The following SMC6 variants were observed in gnomAD, a reference collection of about 807,000 sequenced individuals.
SMC6 encodes the protein structural maintenance of chromosomes protein 6.
A neutral mutation model predicts 142.2 loss-of-function variants in SMC6; 79 were observed. The ratio of observed to expected loss-of-function variants is 0.56; its 90% CI spans 0.46 to 0.67. SMC6 has a LOEUF of 0.67. Ranked by LOEUF, SMC6 falls within the 30% of genes least tolerant of loss-of-function variation. SMC6 has a pLI of 0.00. For missense variants in SMC6, 1,072 were observed against 1,284.0 expected (o/e 0.83, Z 2.52); for synonymous variants, 411 against 412.4 (o/e 1.00, Z 0.04).
intron 16 of SMC6, among the ~76,000 whole-genome samples, chr2:17,710,296 G>T (rs2124974109): frequency 6.6e-6 from 1 of 152,314 alleles, no homozygotes; most frequent in East Asian, 1.9e-4. Context: ...AATGAAGATG[G>T]AGAAGATTAC....
At chr2:17,703,346 C>T in intron 18 of SMC6, 54 bp from the exon 19 acceptor site, 1 of 1,511,218 alleles carries the variant, frequency 6.6e-7, no homozygotes, top group Admixed American at 2.1e-5. Flanking sequence ...CTCAATATTA[C>T]AAATACTTTA....
chr2:17,703,352 C>T, intron 18 of SMC6, 60 bp from the exon 19 acceptor site: 1 of 1,442,914 alleles, frequency 6.9e-7, no homozygotes. Flanking sequence ...ATTACAAATA[C>T]TTTAGACCTT....
intron 23 of SMC6, among the ~76,000 whole-genome samples, chr2:17,689,667 G>GC (rs1377806240): frequency 6.6e-6 from 1 of 152,112 alleles, no homozygotes; most frequent in Non-Finnish European, 1.5e-5. Context: ...TAGATCCAGG[G>GC]CCCCCTGGGC....
chr2:17,673,161 C>T (rs1457230527), intron 25 of SMC6, among the ~76,000 whole-genome samples: 5 of 152,148 alleles, frequency 3.3e-5, no homozygotes, highest in Admixed American at 6.5e-5. Context: ...TGACTAACAG[C>T]GCTTTTTCAT....
chr2:17,709,053 C>A (rs1423648534), intron 16 of SMC6, among the ~76,000 whole-genome samples: 1 of 151,958 alleles, frequency 6.6e-6, no homozygotes, highest in African/African-American at 2.4e-5. Context: ...TTATTCTCTC[C>A]ACATTTTTTT....
chr2:17,668,442 C>A lies in SMC6; in HGVS notation c.3064-1925G>T, dbSNP rs1666604629. ...ACTAGGCATTAGGAGACATAAACAT[C>A]TCAGACATAGCTGATAACCTCAAAA... On this transcript the variant is annotated intron_variant, in intron 26 of 27. Transcript: ENST00000448223. Among the ~76,000 whole-genome samples the A allele has an allele frequency of 2.0e-5, 3 of 152,110 alleles. No homozygotes were observed. The South Asian group carries it at 6.2e-4, about 31-fold the overall frequency.
chr2:17,747,491 T>C (rs1188795352), intron 2 of SMC6, among the ~76,000 whole-genome samples: 1 of 131,604 alleles, frequency 7.6e-6, no homozygotes, highest in East Asian at 2.3e-4. Context: ...CTAAACAACT[T>C]TTTTTCTTTT....
intron 13 of SMC6, 67 bp downstream of exon 13, chr2:17,717,021 C>G: frequency 6.5e-7 from 1 of 1,528,284 alleles, no homozygotes; most frequent in Non-Finnish European, 8.9e-7. Flanking sequence ...ATATAATACT[C>G]CAATGCATCT....
At chr2:17,739,514 G>A (rs1670320750) in intron 4 of SMC6, among the ~76,000 whole-genome samples, 1 of 151,348 alleles carries the variant, frequency 6.6e-6, no homozygotes, top group African/African-American at 2.4e-5. Context: ...GAGTGGTGGT[G>A]CACACTTGTA....
chr2:17,739,167 T>C (rs1670302386), intron 4 of SMC6, among the ~76,000 whole-genome samples: 1 of 152,214 alleles, frequency 6.6e-6, no homozygotes, highest in Admixed American at 6.5e-5. Flanking sequence ...ATTCATTTTC[T>C]AGCTCTTTGA....
intron 9 of SMC6, among the ~76,000 whole-genome samples, chr2:17,721,922 T>C (rs1669392492): frequency 6.6e-6 from 1 of 152,072 alleles, no homozygotes; most frequent in Non-Finnish European, 1.5e-5. Flanking sequence ...GAGTTCACGT[T>C]TAATAATTAA....
At chr2:17,739,833 C>G (rs1357114955) in intron 4 of SMC6, among the ~76,000 whole-genome samples, 2 of 117,958 alleles carry the variant, frequency 1.7e-5, no homozygotes, top group Admixed American at 8.0e-5. Flanking sequence ...CACACACACA[C>G]ACACACACAC....
At chr2:17,739,373 A>G (rs936028208) in intron 4 of SMC6, among the ~76,000 whole-genome samples, 1 of 152,124 alleles carries the variant, frequency 6.6e-6, no homozygotes, top group Non-Finnish European at 1.5e-5. Context: ...GGCCGGGCAC[A>G]GTGGTTCACG....
At chr2:17,747,035 C>T (rs187721612) in intron 2 of SMC6, among the ~76,000 whole-genome samples, 86 of 152,298 alleles carry the variant, frequency 5.6e-4, no homozygotes, top group African/African-American at 1.9e-3. Flanking sequence ...AGTGAGGCTA[C>T]AAGGTGGCAT....
intron 23 of SMC6, among the ~76,000 whole-genome samples, chr2:17,694,000 C>CAAAAAAAAA (rs751816590): frequency 8.7e-5 from 3 of 34,510 alleles, no homozygotes; most frequent in Non-Finnish European, 1.1e-4. Flanking sequence ...AACTCCATCT[C>CAAAAAAAAA]AAAAAAAAAA....
At chr2:17,679,344 G>A (rs1667139482) in intron 24 of SMC6, 1 of 156,210 alleles carries the variant, frequency 6.4e-6, no homozygotes, top group Non-Finnish European at 1.4e-5. Flanking sequence ...AGGATTAACT[G>A]TAATGGTGAC....
rs187117949 is a variant in SMC6, at chr2:17,715,074, G to A, written c.1526-9C>T. On this transcript the variant is annotated splice_polypyrimidine_tract_variant and intron_variant, in intron 15 of 27. Transcript: ENST00000448223. Reference sequence around the variant, plus strand: ...AAGATGAATGCAAGCTCCTAAAAGTGAGAGAAAATTACAGAAGGGCTCATA... The same window carrying A: ...AAGATGAATGCAAGCTCCTAAAAGTAAGAGAAAATTACAGAAGGGCTCATA... 2 of 1,609,552 alleles carry A rather than the reference G, an allele frequency of 1.2e-6. No homozygotes were observed. The highest frequency in any genetic ancestry group is 2.2e-5 in the East Asian group (1 of 44,810).
At chr2:17,713,511 T>C (rs1415571692) in intron 16 of SMC6, 1 of 471,022 alleles carries the variant, frequency 2.1e-6, no homozygotes, top group South Asian at 1.5e-5. Flanking sequence ...CCAGGCACTC[T>C]TCTTCAGAGT....
chr2:17,704,132 T>C (rs1361358662), intron 18 of SMC6, among the ~76,000 whole-genome samples: 1 of 151,530 alleles, frequency 6.6e-6, no homozygotes, highest in Admixed American at 6.6e-5. Context: ...AACTATCACA[T>C]TAAAATGTGA....
Sources: allele counts gnomAD v4.1 joint callset (sites outside exome capture counted in the v4.1 genomes callset), GRCh38; gene constraint gnomAD v4.1.1; transcripts MANE v1.5; gene names NCBI Gene and HGNC (gene_info 2026-07-23, HGNC 2026-07-21).